Variants in CCBE1 observed in about 807,000 individuals in gnomAD.
CCBE1 encodes collagen and calcium-binding EGF domain-containing protein 1.
A neutral mutation model predicts 50.0 loss-of-function variants in CCBE1; 37 were observed. The observed-to-expected ratio is 0.74, with a 90% CI of 0.57 to 0.97. CCBE1 has a LOEUF of 0.97. Ranked by LOEUF, CCBE1 falls within the 50% of genes least tolerant of loss-of-function variation. CCBE1 has a pLI of 0.00. For missense variants in CCBE1, 538 were observed against 523.8 expected (o/e 1.03, Z -0.26); for synonymous variants, 234 against 203.7 (o/e 1.15, Z -1.27).
intron 2 of CCBE1, among the ~76,000 whole-genome samples, chr18:59,495,836 G>A (rs1913332313): frequency 6.6e-6 from 1 of 152,164 alleles, no homozygotes. Flanking sequence ...CCGCTCTCGG[G>A]TGGTAATGAC....
At chr18:59,654,805 A>AT in intron 2 of CCBE1, among the ~76,000 whole-genome samples, 1 of 151,394 alleles carries the variant, frequency 6.6e-6, no homozygotes, top group Non-Finnish European at 1.5e-5. Flanking sequence ...AAAAAAAAAA[A>AT]AAAGGCCAGG....
chr18:59,505,338 G>C (rs1913821783), intron 2 of CCBE1, among the ~76,000 whole-genome samples: 1 of 152,228 alleles, frequency 6.6e-6, no homozygotes, highest in African/African-American at 2.4e-5. Context: ...CCTTGAGCCT[G>C]AGGCCACAGG....
intron 3 of CCBE1, among the ~76,000 whole-genome samples, chr18:59,478,300 A>C (rs1042194040): frequency 2.0e-5 from 3 of 152,110 alleles, no homozygotes; most frequent in African/African-American, 7.2e-5. Context: ...TCGAAATCAA[A>C]ATTGGTTCTA....
At chr18:59,561,566 T>A (rs765501453) in intron 2 of CCBE1, among the ~76,000 whole-genome samples, 9 of 152,328 alleles carry the variant, frequency 5.9e-5, no homozygotes, top group Middle Eastern at 6.8e-3. Flanking sequence ...ATGCCACTAT[T>A]GTCTGTAAAA....
chr18:59,556,726 T>C (rs2052662326), intron 2 of CCBE1, among the ~76,000 whole-genome samples: 1 of 152,202 alleles, frequency 6.6e-6, no homozygotes, highest in Admixed American at 6.5e-5. Flanking sequence ...TAGTAACTCT[T>C]CCAACCCACA....
At position 59,641,502 on chromosome 18, in the gene CCBE1, T is replaced by A. The variant is rs561289420; in HGVS notation, c.212+55127A>T. On this transcript the variant is annotated intron_variant, in intron 2 of 10. Transcript: ENST00000439986. ...GAAACACTACCTATTGGGTACACTA[T>A]CCTTATTACCTGGGTGATAAAATAA... 2.3e-3 allele frequency among the ~76,000 whole-genome samples: 344 copies of A among 152,032 alleles called. 4 individuals are homozygous for A. Among genetic ancestry groups the A allele is most frequent in the African/African-American group, 7.9e-3 (329 of 41,484 alleles).
Position 59,526,579 on chromosome 18 carries a change from G to A in CCBE1, c.213-46341C>T, listed in dbSNP as rs367590048. ...CTGCCTCAGCCTCCCAAAGTGCTGG[G>A]ATTACAGGTGTGAGCCACCATGCCC... is the stretch of plus-strand genomic sequence containing the variant. On this transcript the variant is annotated intron_variant, in intron 2 of 10. Transcript: ENST00000439986. Among the ~76,000 whole-genome samples, 5 of 152,282 alleles carry A rather than the reference G, an allele frequency of 3.3e-5. No homozygotes were observed. In the East Asian group the frequency reaches 7.7e-4, roughly 23 times the overall value.
intron 2 of CCBE1, among the ~76,000 whole-genome samples, chr18:59,542,224 T>C (rs924157070): frequency 7.9e-5 from 12 of 151,152 alleles, no homozygotes; most frequent in Non-Finnish European, 1.5e-4. Flanking sequence ...AAAAGAACTA[T>C]GCTTTCTCAG....
chr18:59,474,782 AC>A (rs1271423501), intron 3 of CCBE1, among the ~76,000 whole-genome samples: 3 of 151,516 alleles, frequency 2.0e-5, no homozygotes, highest in African/African-American at 7.3e-5. Context: ...CACTACTTTT[AC>A]CCCTTTTTCT....
intron 5 of CCBE1, among the ~76,000 whole-genome samples, chr18:59,460,611 G>A (rs1376122043): frequency 6.6e-6 from 1 of 152,126 alleles, no homozygotes; most frequent in East Asian, 1.9e-4. Context: ...GTGGAGGCTG[G>A]GTATATTTCT....
In CCBE1 at chr18:59,464,359, C is replaced by G. The variant is rs764775131; in HGVS notation, c.553+2380G>C. Among the ~76,000 whole-genome samples, 39 of 152,178 alleles carry G rather than the reference C, an allele frequency of 2.6e-4. 1 individual carries two copies. Among genetic ancestry groups the G allele is most frequent in the Non-Finnish European group, 2.5e-4 (17 of 68,044 alleles). On this transcript the variant is annotated intron_variant, in intron 5 of 10. Transcript: ENST00000439986. Reference sequence around the variant, plus strand: ...AGGAGAGCCCCTTGAACCCGGGAGGCTGAATTTGCAGTGAGCTGAGATTGC... The same window carrying G: ...AGGAGAGCCCCTTGAACCCGGGAGGGTGAATTTGCAGTGAGCTGAGATTGC...
intron 2 of CCBE1, among the ~76,000 whole-genome samples, chr18:59,495,653 T>C (rs1212454465): frequency 6.6e-6 from 1 of 151,732 alleles, no homozygotes. Context: ...ATTCCACACA[T>C]TGGTATATGT....
chr18:59,642,897 C>T (rs1231359143), intron 2 of CCBE1, among the ~76,000 whole-genome samples: 3 of 142,856 alleles, frequency 2.1e-5, no homozygotes, highest in South Asian at 2.2e-4. Context: ...TGCAGTGAAC[C>T]GAGATCGTGC....
At chr18:59,476,211 A>G (rs1912298622) in intron 3 of CCBE1, among the ~76,000 whole-genome samples, 1 of 152,164 alleles carries the variant, frequency 6.6e-6, no homozygotes, top group Non-Finnish European at 1.5e-5. Flanking sequence ...GCTTTTATGA[A>G]GATTAAATTG....
At chr18:59,676,682 A>T (rs1480683204) in intron 2 of CCBE1, among the ~76,000 whole-genome samples, 1 of 152,188 alleles carries the variant, frequency 6.6e-6, no homozygotes, top group African/African-American at 2.4e-5. Context: ...TCAGGAAAAG[A>T]CACAATAAAT....
intron 2 of CCBE1, among the ~76,000 whole-genome samples, chr18:59,693,966 G>A (rs1281718976): frequency 7.0e-6 from 1 of 142,268 alleles, no homozygotes; most frequent in African/African-American, 2.6e-5. Context: ...CCGCCTCCTG[G>A]TTTCAAACTA....
chr18:59,591,568 A>C (rs1019647040), intron 2 of CCBE1, among the ~76,000 whole-genome samples: 1 of 152,226 alleles, frequency 6.6e-6, no homozygotes, highest in African/African-American at 2.4e-5. Flanking sequence ...CACACAGTTC[A>C]TAAGATAAAA....
At chr18:59,611,975 A>G (rs556155113) in intron 2 of CCBE1, among the ~76,000 whole-genome samples, 1 of 152,342 alleles carries the variant, frequency 6.6e-6, no homozygotes, top group Non-Finnish European at 1.5e-5. Flanking sequence ...AGTCCAACTC[A>G]GAAGTGACAT....
At position 59,661,760 on chromosome 18, in the gene CCBE1, G is replaced by C. The variant is rs146462131; in HGVS notation, c.212+34869C>G. Among the ~76,000 whole-genome samples the C allele has an allele frequency of 4.6e-3, 704 of 152,232 alleles. 2 individuals are homozygous for C. The highest frequency in any genetic ancestry group is 0.016 in the African/African-American group (682 of 41,530). On this transcript the variant is annotated intron_variant, in intron 2 of 10. Coordinates refer to ENST00000439986, the MANE Select transcript of CCBE1 (RefSeq NM_133459.4). ...AGGCGGGAGGATGACTTGAGGCCAGGAGTTCAAGACCAGTCTGGCCAACAT... is the reference window on the plus strand; with the variant it reads ...AGGCGGGAGGATGACTTGAGGCCAGCAGTTCAAGACCAGTCTGGCCAACAT...
Sources: allele counts gnomAD v4.1 joint callset (sites outside exome capture counted in the v4.1 genomes callset), GRCh38; gene constraint gnomAD v4.1.1; transcripts MANE v1.5; gene names NCBI Gene and HGNC (gene_info 2026-07-23, HGNC 2026-07-21).